Variants in B4GALT1 observed in about 807,000 individuals in gnomAD.
B4GALT1 encodes N-acetyllactosamine synthase.
B4GALT1 carries 16 observed loss-of-function variants against 34.9 expected under a neutral mutation model. The ratio of observed to expected loss-of-function variants is 0.46; its 90% CI spans 0.31 to 0.70. The LOEUF is 0.70. B4GALT1 is among the 30% of genes least tolerant of loss of function. B4GALT1 has a pLI of 0.05. For synonymous variants in B4GALT1, 221 were observed against 218.1 expected, an observed-to-expected ratio of 1.01 and a Z score of -0.12; for missense variants, 445 against 530.5, an observed-to-expected ratio of 0.84 and a Z score of 1.58.
At chr9:33,133,346 G>A (rs1233523430) in intron 2 of B4GALT1, among the ~76,000 whole-genome samples, 3 of 152,168 alleles carry the variant, frequency 2.0e-5, no homozygotes, top group Non-Finnish European at 4.4e-5. Context: ...CTCATCTACT[G>A]GCATAGCAAC....
At chr9:33,135,515 C>T in intron 1 of B4GALT1, 91 bp from the exon 2 acceptor site, 1 of 1,310,750 alleles carries the variant, frequency 7.6e-7, no homozygotes, top group Non-Finnish European at 1.1e-6. Context: ...GCAGCTGCAG[C>T]TGCAGAGGAA....
At chr9:33,107,160 C>T (rs1413269451), downstream of B4GALT1, among the ~76,000 whole-genome samples, 1 of 152,130 alleles carries the variant, frequency 6.6e-6, no homozygotes, top group Non-Finnish European at 1.5e-5. Context: ...GTCCTGAAGC[C>T]CAGAAAAAGG....
At chr9:33,157,330 T>C (rs1011935733) in intron 1 of B4GALT1, among the ~76,000 whole-genome samples, 6 of 152,212 alleles carry the variant, frequency 3.9e-5, no homozygotes, top group Non-Finnish European at 8.8e-5. Flanking sequence ...TCCTCTGGCC[T>C]AGAAATTCTT....
intron 3 of B4GALT1, among the ~76,000 whole-genome samples, chr9:33,117,456 A>G (rs1256025100): frequency 6.6e-6 from 1 of 152,222 alleles, no homozygotes; most frequent in East Asian, 1.9e-4. Flanking sequence ...AGAAATGTCA[A>G]GAATCAGGAC....
intron 1 of B4GALT1, among the ~76,000 whole-genome samples, chr9:33,149,726 G>T (rs1279322537): frequency 6.6e-6 from 1 of 152,120 alleles, no homozygotes; most frequent in African/African-American, 2.4e-5. Context: ...ACACTGAGAA[G>T]AACTCAGCAT....
chr9:33,122,982 A>G (rs913578080), intron 2 of B4GALT1, among the ~76,000 whole-genome samples: 1 of 152,124 alleles, frequency 6.6e-6, no homozygotes, highest in African/African-American at 2.4e-5. Context: ...CATCTCTACT[A>G]AAAACACAAA....
At chr9:33,180,513 T>G in the B4GALT1 span, among the ~76,000 whole-genome samples, 1 of 152,174 alleles carries the variant, frequency 6.6e-6, no homozygotes, top group African/African-American at 2.4e-5. Flanking sequence ...TTAAATAAAG[T>G]CCATGTACCA....
At chr9:33,170,878 G>T (rs1840834631), upstream of B4GALT1, among the ~76,000 whole-genome samples, 1 of 152,154 alleles carries the variant, frequency 6.6e-6, no homozygotes. Context: ...ATCCCATCCG[G>T]CGAGACAAAT....
downstream of B4GALT1, among the ~76,000 whole-genome samples, chr9:33,105,882 T>TTTTTTG (rs1839792591): frequency 1.5e-5 from 1 of 68,102 alleles, no homozygotes; most frequent in Admixed American, 1.4e-4. Context: ...ACTCGTGGGT[T>TTTTTTG]TTTTTTTTTT....
the B4GALT1 span, among the ~76,000 whole-genome samples, chr9:33,175,020 T>TAA: frequency 0.037 from 1,424 of 38,980 alleles, 287 homozygotes; most frequent in Non-Finnish European, 0.059. Flanking sequence ...TATATATATA[T>TAA]AAAATTGGAG....
downstream of B4GALT1, among the ~76,000 whole-genome samples, chr9:33,109,261 T>C: frequency 6.6e-6 from 1 of 152,234 alleles, no homozygotes; most frequent in Admixed American, 6.5e-5. Context: ...AGCTTCCAGA[T>C]AGCTGAACAC....
rs374769857 is a variant in B4GALT1, at chr9:33,167,131, C to T, written c.39G>A (p.Ala13=). The change falls in exon 1 of 6, where the codon GCG becomes GCA. Residue 13 remains alanine, a synonymous_variant. Transcript: ENST00000379731. ...LREPLLSGSA[A]MPGASLQRAC... is the part of the protein sequence containing the mutation. ...CCCGCTGTAGGGACGCGCCTGGCAT[C>T]GCGGCGCTGCCGCTCAGGAGCGGCT... 602 of 1,601,726 alleles carry T rather than the reference C, an allele frequency of 3.8e-4. 1 individual carries two copies. Among genetic ancestry groups the T allele is most frequent in the Non-Finnish European group, 5.0e-4 (594 of 1,176,534 alleles).
At chr9:33,139,967 A>G (rs1364583078) in intron 1 of B4GALT1, among the ~76,000 whole-genome samples, 1 of 152,180 alleles carries the variant, frequency 6.6e-6, no homozygotes, top group Non-Finnish European at 1.5e-5. Context: ...CCCCAGCTCA[A>G]GCCCCGCCAC....
chr9:33,120,681 T>G (rs982510411), intron 2 of B4GALT1, 75 bp from the exon 3 acceptor site: 7 of 1,465,916 alleles, frequency 4.8e-6, no homozygotes, highest in Non-Finnish European at 6.6e-6. Flanking sequence ...GACTGGTGAC[T>G]TGTCCACTAC....
chr9:33,105,882 T>TTTTTG (rs1839792580), downstream of B4GALT1, among the ~76,000 whole-genome samples: 1 of 68,102 alleles, frequency 1.5e-5, no homozygotes, highest in East Asian at 7.2e-4. Flanking sequence ...ACTCGTGGGT[T>TTTTTG]TTTTTTTTTT....
chr9:33,162,219 A>T (rs890573832), intron 1 of B4GALT1, among the ~76,000 whole-genome samples: 1 of 152,214 alleles, frequency 6.6e-6, no homozygotes, highest in Non-Finnish European at 1.5e-5. Flanking sequence ...TCACACAACC[A>T]AATAAAACCA....
At chr9:33,144,087 G>T (rs1840391317) in intron 1 of B4GALT1, among the ~76,000 whole-genome samples, 1 of 152,048 alleles carries the variant, frequency 6.6e-6, no homozygotes, top group South Asian at 2.1e-4. Context: ...CACCTGAGAT[G>T]TTGCCAGGCA....
chr9:33,125,345 C>T (rs1174498846), intron 2 of B4GALT1, among the ~76,000 whole-genome samples: 3 of 152,118 alleles, frequency 2.0e-5, no homozygotes, highest in African/African-American at 4.8e-5. Flanking sequence ...ATGAAGGCAG[C>T]GATGAGCCAA....
At chr9:33,120,840 T>C (rs894406090) in intron 2 of B4GALT1, among the ~76,000 whole-genome samples, 20 of 152,172 alleles carry the variant, frequency 1.3e-4, no homozygotes, top group African/African-American at 3.6e-4. Flanking sequence ...ATGAACAACA[T>C]TGTCACTGTG....
Sources: gnomAD v4.1 joint callset for allele counts (sites outside exome capture counted in the v4.1 genomes callset) on GRCh38, gnomAD v4.1.1 for gene constraint, MANE v1.5 for transcripts, NCBI Gene and HGNC (gene_info 2026-07-23, HGNC 2026-07-21) for gene names.